Variants in NRG3 observed in about 807,000 individuals in gnomAD.
NRG3 encodes the protein pro-neuregulin-3, membrane-bound isoform.
NRG3 carries 31 observed loss-of-function variants against 66.9 expected under a neutral mutation model. The observed-to-expected ratio is 0.46, with a 90% confidence interval of 0.35 to 0.63. The LOEUF (loss-of-function observed/expected upper bound fraction) is 0.63. NRG3 is among the 20% of genes least tolerant of loss of function. NRG3 has a pLI of 0.00. For missense variants in NRG3, 910 were observed against 878.9 expected (o/e 1.04, Z -0.45); for synonymous variants, 393 against 359.4 (o/e 1.09, Z -1.06).
At chr10:82,166,488 A>G (rs756420517) in intron 1 of NRG3, among the ~76,000 whole-genome samples, 1 of 152,012 alleles carries the variant, frequency 6.6e-6, no homozygotes, top group Admixed American at 6.6e-5. Context: ...TTGCCTTACA[A>G]TAAGTTTTTT....
At chr10:82,471,706 G>A (rs1471065663) in intron 2 of NRG3, among the ~76,000 whole-genome samples, 1 of 151,990 alleles carries the variant, frequency 6.6e-6, no homozygotes, top group Non-Finnish European at 1.5e-5. Flanking sequence ...TTCAAGACCT[G>A]CCTGGCCAAC....
At chr10:81,981,446 C>T (rs79448095) in intron 1 of NRG3, among the ~76,000 whole-genome samples, 2 of 152,204 alleles carry the variant, frequency 1.3e-5, no homozygotes, top group African/African-American at 2.4e-5. Context: ...CCCTGCGCTC[C>T]AGGCCCACTG....
intron 1 of NRG3, among the ~76,000 whole-genome samples, chr10:82,040,111 A>G (rs916388509): frequency 6.6e-6 from 1 of 152,098 alleles, no homozygotes; most frequent in African/African-American, 2.4e-5. Flanking sequence ...AGTTGATAAA[A>G]TTTTAGGTGA....
intron 2 of NRG3, among the ~76,000 whole-genome samples, chr10:82,505,294 T>A (rs900229938): frequency 6.6e-6 from 1 of 152,236 alleles, no homozygotes. Flanking sequence ...AACTCTTTAG[T>A]CTTTGAATAG....
chr10:81,936,906 C>T (rs1180329935), intron 1 of NRG3, among the ~76,000 whole-genome samples: 3 of 152,174 alleles, frequency 2.0e-5, no homozygotes, highest in East Asian at 3.9e-4. Context: ...CTAATGTTGA[C>T]TCTATGCACA....
At chr10:81,951,302 C>T (rs1254973907) in intron 1 of NRG3, among the ~76,000 whole-genome samples, 2 of 152,088 alleles carry the variant, frequency 1.3e-5, no homozygotes, top group Non-Finnish European at 2.9e-5. Flanking sequence ...GTCCTTTTTC[C>T]TCTCTGTAAA....
intron 1 of NRG3, among the ~76,000 whole-genome samples, chr10:82,330,940 A>G (rs1445042630): frequency 6.6e-6 from 1 of 152,216 alleles, no homozygotes; most frequent in Non-Finnish European, 1.5e-5. Flanking sequence ...ACTGAACAAC[A>G]TATTGAGCTT....
chr10:82,832,700 T>C (rs1453870977), intron 3 of NRG3, among the ~76,000 whole-genome samples: 1 of 152,158 alleles, frequency 6.6e-6, no homozygotes, highest in Non-Finnish European at 1.5e-5. Flanking sequence ...AATATTATTC[T>C]GCCAAGATAA....
intron 1 of NRG3, among the ~76,000 whole-genome samples, chr10:82,257,880 G>A (rs1490886524): frequency 6.6e-6 from 1 of 152,158 alleles, no homozygotes; most frequent in Non-Finnish European, 1.5e-5. Flanking sequence ...GGAATGAATT[G>A]GAGTTAGGTA....
At chr10:81,879,700 A>T (rs1842007899) in intron 1 of NRG3, among the ~76,000 whole-genome samples, 1 of 152,212 alleles carries the variant, frequency 6.6e-6, no homozygotes, top group South Asian at 2.1e-4. Context: ...GGCAATTTTA[A>T]TTTAATCATG....
At chr10:82,408,667 A>G (rs2136130454) in intron 2 of NRG3, among the ~76,000 whole-genome samples, 1 of 148,708 alleles carries the variant, frequency 6.7e-6, no homozygotes, top group Middle Eastern at 3.6e-3. Context: ...TTATTTATTT[A>G]TTTATTCTTC....
At chr10:82,164,570 C>T (rs2071885514) in intron 1 of NRG3, among the ~76,000 whole-genome samples, 1 of 152,098 alleles carries the variant, frequency 6.6e-6, no homozygotes, top group African/African-American at 2.4e-5. Flanking sequence ...TCATTTTACT[C>T]TCTACCTCCA....
At chr10:82,234,696 C>G (rs2076670477) in intron 1 of NRG3, among the ~76,000 whole-genome samples, 1 of 152,206 alleles carries the variant, frequency 6.6e-6, no homozygotes, top group Non-Finnish European at 1.5e-5. Flanking sequence ...ACAGCAGGGA[C>G]AGCATCGTAA....
chr10:82,867,383 A>G (rs1333292509), intron 4 of NRG3, among the ~76,000 whole-genome samples: 2 of 151,940 alleles, frequency 1.3e-5, no homozygotes, highest in East Asian at 1.9e-4. Context: ...TTAATGTTCT[A>G]TTAGCTAGAG....
intron 1 of NRG3, among the ~76,000 whole-genome samples, chr10:82,058,406 AT>A (rs1014107250): frequency 5.9e-5 from 9 of 151,994 alleles, no homozygotes; most frequent in South Asian, 2.1e-4. Flanking sequence ...CCATAAAATT[AT>A]TTTTTAATCT....
At chr10:82,006,564 T>C (rs929585731) in intron 1 of NRG3, among the ~76,000 whole-genome samples, 1 of 152,180 alleles carries the variant, frequency 6.6e-6, no homozygotes, top group African/African-American at 2.4e-5. Flanking sequence ...TAAATATTTG[T>C]TTACCTGATT....
intron 2 of NRG3, among the ~76,000 whole-genome samples, chr10:82,543,138 C>T (rs2043656831): frequency 6.6e-6 from 1 of 152,012 alleles, no homozygotes; most frequent in African/African-American, 2.4e-5. Flanking sequence ...GTGGTCCACC[C>T]GACTCAGCCT....
intron 1 of NRG3, among the ~76,000 whole-genome samples, chr10:82,281,904 A>T (rs987713647): frequency 2.0e-5 from 3 of 152,186 alleles, no homozygotes; most frequent in Non-Finnish European, 4.4e-5. Flanking sequence ...GAAAGGATTG[A>T]CAGTAGACAT....
rs183303234 is a variant in NRG3, at chr10:82,036,821, G to T, written c.823+160658G>T. 3.8e-3 allele frequency among the ~76,000 whole-genome samples: 580 copies of T among 152,100 alleles called. 3 individuals are homozygous for T. The highest frequency in any genetic ancestry group is 0.013 in the African/African-American group (554 of 41,502). On this transcript the variant is annotated intron_variant, in intron 1 of 8. Coordinates refer to ENST00000372141, the MANE Select transcript of NRG3 (RefSeq NM_001010848.4). The stretch of plus-strand genomic sequence containing the variant: ...CTGTCCCGGCACTGCTTATTTGTTT[G>T]TTGGTTTTGTTTTGTATAGAGGGGG...
Sources: gnomAD v4.1 joint callset for allele counts (sites outside exome capture counted in the v4.1 genomes callset) on GRCh38, gnomAD v4.1.1 for gene constraint, MANE v1.5 for transcripts, NCBI Gene and HGNC (gene_info 2026-07-23, HGNC 2026-07-21) for gene names.